ZZEF1: variants seen among roughly 807,000 people sequenced by gnomAD.
ZZEF1 encodes the protein zinc finger ZZ-type and EF-hand domain containing 1, also known as zinc finger ZZ-type and EF-hand domain-containing protein 1.
In ZZEF1, 157 loss-of-function variants were observed where a neutral mutation model predicts 342.8. That is an observed-to-expected ratio of 0.46 (90% CI 0.40 to 0.52). The LOEUF is 0.52. Ranked by LOEUF, ZZEF1 falls within the 20% of genes least tolerant of loss-of-function variation. The pLI is 0.00. For synonymous variants in ZZEF1, 1,505 were observed against 1,429.1 expected (o/e 1.05, Z -1.20); for missense variants, 3,480 against 3,725.6 (o/e 0.93, Z 1.72).
intron 6 of ZZEF1, among the ~76,000 whole-genome samples, chr17:4,106,535 C>T: frequency 6.6e-6 from 1 of 151,662 alleles, no homozygotes; most frequent in Non-Finnish European, 1.5e-5. Context: ...TCTATGGTAT[C>T]TAAAGATGTG....
chr17:4,021,305 G>T lies in ZZEF1; in HGVS notation c.7228C>A (p.Leu2410Met). The part of the protein sequence containing the change: ...LRDLEILSIM[L>M]YSSKKEINAL... Reference sequence around the variant, plus strand: ...TTGATCTCCTTTTTTGAGGAGTACAGCATGATGGACAAAATCTACACAGAA... The same window carrying T: ...TTGATCTCCTTTTTTGAGGAGTACATCATGATGGACAAAATCTACACAGAA... Residue 2410 changes from leucine to methionine, a missense_variant, in exon 45 of 55, where the codon CTG (leucine) becomes ATG (methionine). Coordinates refer to ENST00000381638, the MANE Select transcript of ZZEF1 (RefSeq NM_015113.4). 1 of 1,606,916 alleles carries T rather than the reference G, an allele frequency of 6.2e-7. No homozygotes were observed. The highest frequency in any genetic ancestry group is 8.5e-7 in the Non-Finnish European group (1 of 1,176,458).
At chr17:4,032,779 T>C in intron 41 of ZZEF1, 49 bp downstream of exon 41, 3 of 1,598,196 alleles carry the variant, frequency 1.9e-6, no homozygotes, top group Admixed American at 1.7e-5. Context: ...GTGTGTATAG[T>C]GAAGACTGGA....
At chr17:4,124,722 T>C (rs2058546850) in intron 1 of ZZEF1, among the ~76,000 whole-genome samples, 1 of 151,772 alleles carries the variant, frequency 6.6e-6, no homozygotes, top group Non-Finnish European at 1.5e-5. Flanking sequence ...CCTCCCAAAG[T>C]GCTGGGATTA....
chr17:4,029,412 A>G (rs1485125988), intron 42 of ZZEF1, among the ~76,000 whole-genome samples: 2 of 152,138 alleles, frequency 1.3e-5, no homozygotes, highest in Admixed American at 1.3e-4. Flanking sequence ...ATTGGAAAAT[A>G]TATTGTGACC....
At chr17:4,100,313 T>C (rs1425407364) in intron 9 of ZZEF1, among the ~76,000 whole-genome samples, 1 of 152,190 alleles carries the variant, frequency 6.6e-6, no homozygotes, top group East Asian at 1.9e-4. Context: ...AAGCAATAGA[T>C]AGTGATGGCT....
Position 4,043,309 on chromosome 17 carries a change from C to T in ZZEF1, c.6167-741G>A, listed in dbSNP as rs1416911866. Among the ~76,000 whole-genome samples, 4 of 152,296 alleles carry T rather than the reference C, an allele frequency of 2.6e-5. No homozygotes were observed. The East Asian group carries it at 7.7e-4, about 29-fold the overall frequency. The stretch of plus-strand genomic sequence containing the variant: ...ATGAATGAATAAACTGCCTATGAAC[C>T]AGGATGCTGATCCTCAGGGGAATGA... On this transcript the variant is annotated intron_variant, in intron 38 of 54. Transcript: ENST00000381638.
chr17:4,019,943 G>C (rs2056224185), intron 45 of ZZEF1, 174 bp from the exon 46 acceptor site: 1 of 522,814 alleles, frequency 1.9e-6, no homozygotes, highest in African/African-American at 2.0e-5. Context: ...CCAAAACATG[G>C]ACTATAACAC....
chr17:4,024,092 T>C (rs2056340326), intron 43 of ZZEF1, among the ~76,000 whole-genome samples: 1 of 151,780 alleles, frequency 6.6e-6, no homozygotes, highest in Non-Finnish European at 1.5e-5. Context: ...CTGACATATG[T>C]TTCCTTGAAA....
intron 8 of ZZEF1, among the ~76,000 whole-genome samples, chr17:4,102,698 A>T (rs1324429240): frequency 1.3e-5 from 2 of 152,236 alleles, no homozygotes; most frequent in Non-Finnish European, 2.9e-5. Flanking sequence ...ACATAGGTTG[A>T]TAACATAGAT....
chr17:4,008,804 C>T lies in ZZEF1; in HGVS notation c.8805+79G>A. On this transcript the variant is annotated intron_variant, in intron 54 of 54. Coordinates refer to ENST00000381638, the MANE Select transcript of ZZEF1 (RefSeq NM_015113.4). The surrounding 1 kb of genome is among the most constrained non-coding windows in gnomAD (Gnocchi z 4.2). ...TTCTGTCCTACTCAGACGCAATGTACAGACCTTCTCTGCCCTGGCAATGGT... is the reference window on the plus strand; with the variant it reads ...TTCTGTCCTACTCAGACGCAATGTATAGACCTTCTCTGCCCTGGCAATGGT... The T allele has an allele frequency of 6.5e-7, 1 of 1,529,556 alleles. No individual in the cohort carries two copies. The highest frequency in any genetic ancestry group is 8.8e-7 in the Non-Finnish European group (1 of 1,140,488). The allele number at this position is 1,529,556 out of a possible 1,614,324, so 94.7% of individuals were successfully genotyped here. A position where few individuals can be genotyped will look rare whatever the true frequency, so the allele number is the denominator to read the frequency against.
At chr17:4,100,679 C>T (rs1201545636) in intron 9 of ZZEF1, among the ~76,000 whole-genome samples, 1 of 152,000 alleles carries the variant, frequency 6.6e-6, no homozygotes, top group Non-Finnish European at 1.5e-5. Flanking sequence ...ACTAAAAATA[C>T]AAGAAATTAG....
chr17:4,013,873 G>A (rs542924211), intron 51 of ZZEF1, among the ~76,000 whole-genome samples: 1 of 152,274 alleles, frequency 6.6e-6, no homozygotes, highest in East Asian at 1.9e-4. Context: ...TTCGGGTCCT[G>A]ACAGAATGCT....
chr17:4,044,982 C>T (rs932683321), intron 37 of ZZEF1, among the ~76,000 whole-genome samples: 3 of 151,886 alleles, frequency 2.0e-5, no homozygotes, highest in Non-Finnish European at 4.4e-5. Context: ...GGCGAAACCC[C>T]ATCTCTACTA....
chr17:4,122,308 A>C (rs1252705068), intron 2 of ZZEF1, among the ~76,000 whole-genome samples: 1 of 152,132 alleles, frequency 6.6e-6, no homozygotes, highest in Non-Finnish European at 1.5e-5. Flanking sequence ...TGTTAATTTT[A>C]TTATGATTCT....
chr17:4,025,920 T>A (rs1335273051), intron 42 of ZZEF1, among the ~76,000 whole-genome samples: 1 of 152,116 alleles, frequency 6.6e-6, no homozygotes, highest in Non-Finnish European at 1.5e-5. Context: ...AGCTGCAAAG[T>A]GGGAAGCAAA....
intron 1 of ZZEF1, among the ~76,000 whole-genome samples, chr17:4,127,107 G>A (rs959343168): frequency 1.1e-4 from 17 of 151,676 alleles, no homozygotes; most frequent in African/African-American, 4.1e-4. Flanking sequence ...CTGGGCTCAA[G>A]AGATGCTCCT....
chr17:4,100,663 G>A (rs376159046), intron 9 of ZZEF1, among the ~76,000 whole-genome samples: 9 of 151,974 alleles, frequency 5.9e-5, no homozygotes, highest in South Asian at 4.2e-4. Flanking sequence ...GTGAAACCCC[G>A]TCTCTACTAA....
chr17:4,040,209 G>A (rs62072401), intron 39 of ZZEF1, among the ~76,000 whole-genome samples: 17,285 of 152,132 alleles, frequency 0.11, 1,037 homozygotes, highest in Non-Finnish European at 0.14. Flanking sequence ...ATCTTTACCT[G>A]TAGCCTTTCC....
chr17:4,090,757 C>T lies in ZZEF1; in HGVS notation c.1987G>A (p.Glu663Lys). Residue 663 changes from glutamate to lysine, a missense_variant, in exon 12 of 55, where the codon GAA becomes AAA. By Grantham distance (56) the Glu-to-Lys change is moderately conservative (BLOSUM62 1). Around this residue, in one of 5 missense-constraint regions of ZZEF1, gnomAD observed 1,528 missense variants for 1,624.1 expected, o/e 0.94. Transcript: ENST00000381638. Reference protein sequence around the residue: ...GWFELEEEWDEADVKLQQCRV... With the variant: ...GWFELEEEWDKADVKLQQCRV... The stretch of plus-strand genomic sequence containing the variant: ...CACTGTTGCAGCTTCACATCTGCTT[C>T]ATCCCATTCTTCTTCCAGTTCAAAC... 1 of 1,614,182 alleles carries T rather than the reference C, an allele frequency of 6.2e-7. No homozygotes were observed. Among genetic ancestry groups the T allele is most frequent in the Non-Finnish European group, 8.5e-7 (1 of 1,180,034 alleles).
Sources: gnomAD v4.1 joint callset for allele counts (sites outside exome capture counted in the v4.1 genomes callset) on GRCh38, gnomAD v4.1.1 for gene constraint, gnomAD v4.1.1 regional missense constraint, Gnocchi (gnomAD v3.1) non-coding constraint, MANE v1.5 for transcripts, NCBI Gene and HGNC (gene_info 2026-07-23, HGNC 2026-07-21) for gene names.